Variants in FHIT observed in about 807,000 individuals in gnomAD.
FHIT encodes the protein bis(5'-adenosyl)-triphosphatase.
In FHIT, 19 loss-of-function variants were observed where a neutral mutation model predicts 17.9. The ratio of observed to expected loss-of-function variants is 1.06; its 90% CI spans 0.74 to 1.56. The LOEUF (loss-of-function observed/expected upper bound fraction) is 1.56, where lower values mean the gene tolerates loss of function less well. FHIT is among the 40% of genes most tolerant of loss of function. The pLI is 0.00. For synonymous variants in FHIT, 81 were observed against 69.7 expected (o/e 1.16, Z -0.81); for missense variants, 248 against 189.2 (o/e 1.31, Z -1.82).
chr3:60,409,187 T>A (rs1026957325), intron 5 of FHIT, among the ~76,000 whole-genome samples: 1 of 152,230 alleles, frequency 6.6e-6, no homozygotes, highest in Non-Finnish European at 1.5e-5. Flanking sequence ...TACTTGGCCT[T>A]GATTAAAATT....
chr3:60,755,117 A>C (rs1044138676), intron 4 of FHIT, among the ~76,000 whole-genome samples: 1 of 152,180 alleles, frequency 6.6e-6, no homozygotes, highest in Non-Finnish European at 1.5e-5. Flanking sequence ...AATCCTACCA[A>C]TACCTCAAGG....
intron 1 of FHIT, among the ~76,000 whole-genome samples, chr3:61,228,602 AAGCCC>A (rs763107093): frequency 6.6e-6 from 1 of 152,210 alleles, no homozygotes; most frequent in Non-Finnish European, 1.5e-5. Context: ...TTTAATTTTT[AAGCCC>A]AGCCAAAAAC....
intron 2 of FHIT, among the ~76,000 whole-genome samples, chr3:61,078,458 T>C (rs2035035549): frequency 6.6e-6 from 1 of 152,132 alleles, no homozygotes; most frequent in Non-Finnish European, 1.5e-5. Flanking sequence ...CTGTGGCTTC[T>C]AGGAAGAACG....
chr3:59,831,105 T>C (rs1701148732), intron 8 of FHIT, among the ~76,000 whole-genome samples: 1 of 152,124 alleles, frequency 6.6e-6, no homozygotes, highest in African/African-American at 2.4e-5. Flanking sequence ...ACCTACCTCT[T>C]AGGGTTCTCG....
At chr3:60,278,654 AC>A (rs1427995385) in intron 5 of FHIT, among the ~76,000 whole-genome samples, 7 of 152,084 alleles carry the variant, frequency 4.6e-5, no homozygotes, top group Non-Finnish European at 1.0e-4. Flanking sequence ...AGCATCTGGA[AC>A]TTAAAGCTAC....
chr3:60,272,459 G>T (rs1253236545), intron 5 of FHIT, among the ~76,000 whole-genome samples: 1 of 152,070 alleles, frequency 6.6e-6, no homozygotes, highest in African/African-American at 2.4e-5. Flanking sequence ...GTGTGTCTGG[G>T]GCTATCTGGG....
At chr3:60,215,967 A>G (rs1703677250) in intron 5 of FHIT, among the ~76,000 whole-genome samples, 1 of 152,220 alleles carries the variant, frequency 6.6e-6, no homozygotes, top group South Asian at 2.1e-4. Context: ...ATAAAGACAT[A>G]CACTCCAAGT....
intron 3 of FHIT, among the ~76,000 whole-genome samples, chr3:60,878,318 C>A (rs1339401176): frequency 3.3e-5 from 5 of 152,088 alleles, no homozygotes; most frequent in Admixed American, 2.6e-4. Flanking sequence ...GACTCCATAG[C>A]CACTTCAAGT....
At chr3:61,084,412 C>A (rs1021830593) in intron 2 of FHIT, among the ~76,000 whole-genome samples, 10 of 152,118 alleles carry the variant, frequency 6.6e-5, no homozygotes, top group African/African-American at 2.2e-4. Flanking sequence ...CTATTCTTTG[C>A]CTTTTGCATA....
intron 3 of FHIT, among the ~76,000 whole-genome samples, chr3:60,905,738 T>C (rs1486167094): frequency 2.6e-5 from 4 of 152,182 alleles, no homozygotes; most frequent in African/African-American, 9.7e-5. Context: ...ATACATAGCA[T>C]GCTAACTTCT....
chr3:60,109,143 G>GAC (rs1704560221), intron 5 of FHIT, among the ~76,000 whole-genome samples: 2 of 72,092 alleles, frequency 2.8e-5, no homozygotes, highest in Non-Finnish European at 8.3e-5. Context: ...TAGGGGCAGG[G>GAC]AGAGAGAGAG....
At position 60,447,213 on chromosome 3, in the gene FHIT, G is replaced by T. The variant is rs112547559; in HGVS notation, c.103+89647C>A. Among the ~76,000 whole-genome samples, 705 of 152,082 alleles carry T rather than the reference G, an allele frequency of 4.6e-3. 3 individuals carry two copies. The highest frequency in any genetic ancestry group is 0.016 in the African/African-American group (672 of 41,508). On this transcript the variant is annotated intron_variant, in intron 5 of 9. Transcript: ENST00000492590. ...GCAGTTCTTTGTTATCTTCAAATTA[G>T]GTTTACATGTGGCTTTTCTATTGTT...
chr3:60,373,830 T>G (rs565586978), intron 5 of FHIT, among the ~76,000 whole-genome samples: 1 of 152,234 alleles, frequency 6.6e-6, no homozygotes, highest in Admixed American at 6.5e-5. Context: ...ACAGCTCTAG[T>G]AGCCATGGAA....
intron 8 of FHIT, among the ~76,000 whole-genome samples, chr3:59,789,699 G>C (rs1413884662): frequency 6.6e-6 from 1 of 152,152 alleles, no homozygotes; most frequent in East Asian, 1.9e-4. Flanking sequence ...GCATTATAGG[G>C]AGGAAAGGGA....
At chr3:60,682,164 G>C (rs1466870430) in intron 4 of FHIT, among the ~76,000 whole-genome samples, 1 of 151,994 alleles carries the variant, frequency 6.6e-6, no homozygotes, top group Non-Finnish European at 1.5e-5. Context: ...GTAGAGACAT[G>C]GTTTCCCCAT....
chr3:60,974,679 G>A lies in FHIT; in HGVS notation c.-111+67368C>T, dbSNP rs141716110. 1.6e-3 allele frequency among the ~76,000 whole-genome samples: 248 copies of A among 152,314 alleles called. 4 individuals are homozygous for A. The East Asian group carries it at 0.031, about 19-fold the overall frequency. On this transcript the variant is annotated intron_variant, in intron 3 of 9. Coordinates refer to ENST00000492590, the MANE Select transcript of FHIT (RefSeq NM_002012.4). The stretch of plus-strand genomic sequence containing the variant: ...GCAGCAACCAAGTCTGTCAACAAGA[G>A]TGATTAACCCTCAGGTTTAAGAACA...
chr3:60,967,288 C>T lies in FHIT; in HGVS notation c.-111+74759G>A, dbSNP rs1035771687. Among the ~76,000 whole-genome samples the T allele has an allele frequency of 3.9e-5, 6 of 152,188 alleles. No individual in the cohort carries two copies. The South Asian group carries it at 1.2e-3, about 31-fold the overall frequency. ...CAAAAGAAACAGTTCTGTTATACCA[C>T]ATTGGTGGTAATCATTCTTTCCCAA... is the stretch of plus-strand genomic sequence containing the variant. On this transcript the variant is annotated intron_variant, in intron 3 of 9. Transcript: ENST00000492590.
intron 4 of FHIT, among the ~76,000 whole-genome samples, chr3:60,564,006 G>C (rs994767764): frequency 2.6e-5 from 4 of 152,174 alleles, no homozygotes; most frequent in African/African-American, 7.2e-5. Context: ...GTCCTAGCTA[G>C]AGAGGAGAAG....
chr3:60,710,203 A>C (rs1466375887), intron 4 of FHIT, among the ~76,000 whole-genome samples: 1 of 152,214 alleles, frequency 6.6e-6, no homozygotes, highest in Non-Finnish European at 1.5e-5. Flanking sequence ...TGGCAGTGAA[A>C]AATGAAAGGC....
Sources: gnomAD v4.1 joint callset for allele counts (sites outside exome capture counted in the v4.1 genomes callset) on GRCh38, gnomAD v4.1.1 for gene constraint, MANE v1.5 for transcripts, NCBI Gene and HGNC (gene_info 2026-07-23, HGNC 2026-07-21) for gene names.